Variants in FGFR1 observed in about 807,000 individuals in gnomAD.
The protein encoded by FGFR1 is fibroblast growth factor receptor 1.
FGFR1 carries 18 observed loss-of-function variants against 93.7 expected under a neutral mutation model. That is an observed-to-expected ratio of 0.19 (90% CI 0.13 to 0.28). The LOEUF (loss-of-function observed/expected upper bound fraction) is 0.28. Ranked by LOEUF, FGFR1 falls within the 10% of genes least tolerant of loss-of-function variation. FGFR1 has a pLI of 1.00. For synonymous variants in FGFR1, 448 were observed against 429.3 expected (o/e 1.04, Z -0.54); for missense variants, 731 against 1,080.4 (o/e 0.68, Z 4.53).
At chr8:38,446,630 G>T (rs1280623826) in intron 2 of FGFR1, among the ~76,000 whole-genome samples, 1 of 152,022 alleles carries the variant, frequency 6.6e-6, no homozygotes, top group Non-Finnish European at 1.5e-5. Context: ...GCCCAAGCGG[G>T]TCTTCTGAGC....
At position 38,429,572 on chromosome 8, in the gene FGFR1, A is replaced by G; in HGVS notation, c.358+110T>C. 1 of 1,184,588 alleles carries G rather than the reference A, an allele frequency of 8.4e-7. No homozygotes were observed. Among genetic ancestry groups the G allele is most frequent in the Admixed American group, 2.1e-5 (1 of 48,410 alleles). 73.4% of individuals were successfully genotyped at this position (1,184,588 alleles called of 1,614,324 possible). A position where few individuals can be genotyped will look rare whatever the true frequency, so the allele number is the denominator to read the frequency against. ...TAGTGGGCAGCAGTTTCTGAAGCAG[A>G]GTGGGGGCAGATCACGGAGGGGGAG... is the stretch of plus-strand genomic sequence containing the variant. On this transcript the variant is annotated intron_variant, in intron 3 of 17. Coordinates refer to ENST00000447712, the MANE Select transcript of FGFR1 (RefSeq NM_023110.3). The surrounding 1 kb of genome is among the most constrained non-coding windows in gnomAD (Gnocchi z 4.4).
At chr8:38,437,899 G>A (rs1289596184) in intron 2 of FGFR1, among the ~76,000 whole-genome samples, 1 of 152,212 alleles carries the variant, frequency 6.6e-6, no homozygotes, top group Non-Finnish European at 1.5e-5. Flanking sequence ...TGGTCTGGAA[G>A]TTATCCATCC....
In FGFR1 at chr8:38,424,349, G is replaced by A. The variant is rs758894162; in HGVS notation, c.936+160C>T. 2 of 805,378 alleles carry A rather than the reference G, an allele frequency of 2.5e-6. No individual in the cohort carries two copies. The highest frequency in any genetic ancestry group is 2.9e-5 in the South Asian group (2 of 68,836). The allele number at this position is 805,378 out of a possible 1,614,324, so 49.9% of individuals were successfully genotyped here. A position where few individuals can be genotyped will look rare whatever the true frequency, so the allele number is the denominator to read the frequency against. ...TTGTGACCTCTGTTACTAGTCCTGG[G>A]GGATGTGGCTAGATCCCTACTGAGA... On this transcript the variant is annotated intron_variant, in intron 7 of 17. Coordinates refer to ENST00000447712, the MANE Select transcript of FGFR1 (RefSeq NM_023110.3). This position sits in a 1 kb window ranked among gnomAD's most constrained non-coding sequence, Gnocchi z 4.3.
chr8:38,467,268 C>T (rs1219490959), intron 1 of FGFR1, among the ~76,000 whole-genome samples: 1 of 152,074 alleles, frequency 6.6e-6, no homozygotes, highest in East Asian at 1.9e-4. Flanking sequence ...ATAAGATCAC[C>T]CCTTCTGGAA....
At chr8:38,421,457 G>A (rs889729741) in intron 8 of FGFR1, among the ~76,000 whole-genome samples, 23 of 152,320 alleles carry the variant, frequency 1.5e-4, no homozygotes, top group African/African-American at 7.2e-5. Context: ...AGTACCCAGC[G>A]GAGGGGGGAG....
Position 38,439,866 on chromosome 8 carries a change from T to TTACTC in FGFR1, c.92-9919_92-9918insGAGTA, listed in dbSNP as rs533186283. Among the ~76,000 whole-genome samples the TTACTC allele has an allele frequency of 1.1e-3, 168 of 152,306 alleles. 1 individual carries two copies. The highest frequency in any genetic ancestry group is 3.8e-3 in the African/African-American group (156 of 41,574). Reference sequence around the variant, plus strand: ...GCTGAAAATGTTCATGCCTGTGTCTTGCACTTACTCATGTTGCTGGGGTGC... The same window carrying TTACTC: ...GCTGAAAATGTTCATGCCTGTGTCTTTACTCGCACTTACTCATGTTGCTGGGGTGC... On this transcript the variant is annotated intron_variant, in intron 2 of 17. Transcript: ENST00000447712.
At chr8:38,415,831 C>T in intron 13 of FGFR1, 39 bp downstream of exon 13, 1 of 1,593,862 alleles carries the variant, frequency 6.3e-7, no homozygotes, top group African/African-American at 1.3e-5. Context: ...GCTCTGTTCC[C>T]ACCCTGGCAT....
rs765537201 is a variant in FGFR1, at chr8:38,426,173, C to A, written c.694G>T (p.Val232Leu). ...TTGATGCTGCCGTACTCATTCTCCA[C>A]AATGCAGGTGTAGTTGCCCTTGTCA... ...PSDKGNYTCI[V>L]ENEYGSINHT... The change falls in exon 6 of 18, where the codon GTG (valine) becomes TTG (leucine). Residue 232 changes from valine (V) to leucine (L), a missense_variant. Val to Leu is a conservative substitution (Grantham distance 32, BLOSUM62 1). Transcript: ENST00000447712. This position sits in a 1 kb window ranked among gnomAD's most constrained non-coding sequence, Gnocchi z 4.1. 2.5e-6 allele frequency: 4 copies of A among 1,614,188 alleles called. No homozygotes were observed. The highest frequency in any genetic ancestry group is 3.4e-6 in the Non-Finnish European group (4 of 1,180,034).
intron 1 of FGFR1, among the ~76,000 whole-genome samples, chr8:38,461,679 T>G (rs1834437462): frequency 6.6e-6 from 1 of 152,140 alleles, no homozygotes; most frequent in South Asian, 2.1e-4. Context: ...CTTGCCACCC[T>G]GGGATAGTCA....
intron 13 of FGFR1, 94 bp from the exon 14 acceptor site, chr8:38,414,995 C>G: frequency 1.0e-6 from 1 of 986,940 alleles, no homozygotes. Context: ...CGACTTGTCT[C>G]ATAGAACTTC....
chr8:38,422,365 C>T (rs946808733), intron 7 of FGFR1: 2 of 400,192 alleles, frequency 5.0e-6, no homozygotes, highest in Non-Finnish European at 9.4e-6. Context: ...CATGTGCATA[C>T]ACAGCCAGCA....
At chr8:38,447,624 G>T (rs1395803978) in intron 2 of FGFR1, among the ~76,000 whole-genome samples, 1 of 152,140 alleles carries the variant, frequency 6.6e-6, no homozygotes, top group Non-Finnish European at 1.5e-5. Context: ...TGGGACTACA[G>T]GTGGCCGCCA....
chr8:38,429,724 G>T lies in FGFR1; in HGVS notation c.316C>A (p.Pro106Thr), dbSNP rs1454598352. The change falls in exon 3 of 18, where the codon CCC becomes ACC. Residue 106 changes from proline (P) to threonine (T), a missense_variant. By Grantham distance (38) the Pro-to-Thr change is conservative. Transcript: ENST00000447712. The surrounding 1 kb of genome is among the most constrained non-coding windows in gnomAD (Gnocchi z 4.4). ...AAGTAGGTGGTGTCACTGCCCGAGG[G>T]GCTGCTGGTTACGCAAGCATAGAGG... ...SGLYACVTSS[P>T]SGSDTTYFSV... The T allele has an allele frequency of 6.3e-7, 1 of 1,578,900 alleles. No homozygotes were observed.
chr8:38,467,378 G>A (rs1460652178), intron 1 of FGFR1, among the ~76,000 whole-genome samples: 1 of 150,864 alleles, frequency 6.6e-6, no homozygotes, highest in African/African-American at 2.4e-5. Context: ...AGCCCTCCAC[G>A]TCCTCCGCAG....
intron 1 of FGFR1, among the ~76,000 whole-genome samples, chr8:38,460,677 A>C (rs1834184849): frequency 6.6e-6 from 1 of 152,120 alleles, no homozygotes; most frequent in Non-Finnish European, 1.5e-5. Context: ...CATCTGTAAA[A>C]CAAGGATGTT....
In FGFR1 at chr8:38,430,233, C is replaced by T; in HGVS notation, c.92-285G>A. On this transcript the variant is annotated intron_variant, in intron 2 of 17. Transcript: ENST00000447712. ...AGGAAGCAGCTGTAGCAGCATTAAGCGCATTTCATTTCCCCCATCCTAAGG... is the reference window on the plus strand; with the variant it reads ...AGGAAGCAGCTGTAGCAGCATTAAGTGCATTTCATTTCCCCCATCCTAAGG... The T allele has an allele frequency of 1.1e-5, 4 of 369,822 alleles. No homozygotes were observed. The Admixed American group carries it at 2.7e-4, about 25-fold the overall frequency. 22.9% of individuals were successfully genotyped at this position (369,822 alleles called of 1,614,324 possible).
intron 6 of FGFR1, chr8:38,425,818 G>C: frequency 1.2e-5 from 5 of 431,980 alleles, no homozygotes; most frequent in South Asian, 1.0e-4. Context: ...TTAAGCGACA[G>C]CTCCTATTAC....
Position 38,442,173 on chromosome 8 carries a change from T to A in FGFR1, c.92-12225A>T, listed in dbSNP as rs1032393716. ...ACGATAATAGAAAGCTCCCAGGATC[T>A]GGTAAGGACCACTTAGGTGGACTGT... On this transcript the variant is annotated intron_variant, in intron 2 of 17. Coordinates refer to ENST00000447712, the MANE Select transcript of FGFR1 (RefSeq NM_023110.3). 5.9e-5 allele frequency among the ~76,000 whole-genome samples: 9 copies of A among 152,156 alleles called. No individual in the cohort carries two copies. In the East Asian group the frequency reaches 1.7e-3, roughly 29 times the overall value.
Position 38,413,650 on chromosome 8 carries a change from T to C in FGFR1, c.2447A>G (p.Asn816Ser), listed in dbSNP as rs1815142188. The C allele has an allele frequency of 6.2e-7, 1 of 1,612,290 alleles. No homozygotes were observed. The highest frequency in any genetic ancestry group is 1.3e-5 in the African/African-American group (1 of 74,852). ...CLPRHPAQLA[N>S]GGLKRR ...CAGTCAGCGGCGTTTGAGTCCGCCA[T>C]TGGCAAGCTGGGCTGGGTGTCGGGG... Residue 816 changes from asparagine (N) to serine (S), a missense_variant, in exon 18 of 18, where the codon AAT becomes AGT. Physicochemically the swap from Asn to Ser is conservative, Grantham distance 46. Transcript: ENST00000447712. This position sits in a 1 kb window ranked among gnomAD's most constrained non-coding sequence, Gnocchi z 4.2.
Sources: gnomAD v4.1 joint callset for allele counts (sites outside exome capture counted in the v4.1 genomes callset) on GRCh38, gnomAD v4.1.1 for gene constraint, Gnocchi (gnomAD v3.1) non-coding constraint, MANE v1.5 for transcripts, NCBI Gene and HGNC (gene_info 2026-07-23, HGNC 2026-07-21) for gene names.